The following TRIM34 variants were observed in gnomAD, a reference collection of about 807,000 sequenced individuals.
TRIM34 encodes the protein tripartite motif containing 34, also known as E3 ubiquitin-protein ligase TRIM34.
Under a neutral mutation model 38.1 loss-of-function variants are expected in TRIM34, and 41 were observed. The observed-to-expected ratio is 1.08, with a 90% CI of 0.84 to 1.40. The LOEUF (loss-of-function observed/expected upper bound fraction) is 1.40, where lower values mean the gene tolerates loss of function less well. TRIM34 is among the 40% of genes most tolerant of loss of function. The pLI, the probability that TRIM34 is intolerant of heterozygous loss-of-function variation, is 0.00. For missense variants in TRIM34, 556 were observed against 571.4 expected (o/e 0.97, Z 0.27); for synonymous variants, 200 against 202.5 (o/e 0.99, Z 0.10).
chr11:5,642,854 G>C lies in TRIM34; in HGVS notation c.901+11G>C, dbSNP rs1355357364. The C allele has an allele frequency of 1.9e-6, 3 of 1,613,760 alleles. No homozygotes were observed. The highest frequency in any genetic ancestry group is 1.1e-5 in the South Asian group (1 of 91,054). ...TCCGGTGCTACTGGGGTAAGAAAAAGTTAGTCTTTAAATAACTGTTTTCCA... is the reference window on the plus strand; with the variant it reads ...TCCGGTGCTACTGGGGTAAGAAAAACTTAGTCTTTAAATAACTGTTTTCCA... On this transcript the variant is annotated intron_variant, in intron 7 of 7. Transcript: ENST00000429814.
intron 1 of TRIM34, among the ~76,000 whole-genome samples, chr11:5,628,547 T>G (rs1254177959): frequency 6.6e-6 from 1 of 152,172 alleles, no homozygotes; most frequent in African/African-American, 2.4e-5. Context: ...GATGGATGGT[T>G]AGAGGAGTAG....
intron 1 of TRIM34, among the ~76,000 whole-genome samples, chr11:5,626,012 G>C (rs1849205736): frequency 6.6e-6 from 1 of 152,218 alleles, no homozygotes; most frequent in South Asian, 2.1e-4. Context: ...TTTGCACCTT[G>C]ATTGATATGT....
At chr11:5,635,278 C>T (rs1020461547) in intron 4 of TRIM34, among the ~76,000 whole-genome samples, 3 of 133,360 alleles carry the variant, frequency 2.2e-5, no homozygotes, top group Non-Finnish European at 4.6e-5. Flanking sequence ...TTTTTTGAGA[C>T]GGAGTCTCGC....
At chr11:5,640,577 G>C (rs185596904) in intron 4 of TRIM34, among the ~76,000 whole-genome samples, 1 of 152,028 alleles carries the variant, frequency 6.6e-6, no homozygotes, top group Non-Finnish European at 1.5e-5. Context: ...ATATTTATAA[G>C]AGATATTGGT....
chr11:5,633,756 T>A (rs374292124), intron 2 of TRIM34, 48 bp from the exon 3 acceptor site: 1 of 1,571,336 alleles, frequency 6.4e-7, no homozygotes, highest in South Asian at 1.2e-5. Context: ...TCTATCCAGA[T>A]ACTAAGAAAG....
intron 6 of TRIM34, 21 bp from the exon 7 acceptor site, chr11:5,642,796 C>A (rs983890325): frequency 6.2e-6 from 10 of 1,613,756 alleles, no homozygotes; most frequent in Non-Finnish European, 7.6e-6. Context: ...ATCAGCATCA[C>A]TGAATCTTTT....
chr11:5,640,918 C>T (rs537292404), intron 4 of TRIM34, among the ~76,000 whole-genome samples: 1 of 124,848 alleles, frequency 8.0e-6, no homozygotes, highest in South Asian at 2.9e-4. Context: ...TTAAGATTAT[C>T]TAATTTGTTG....
chr11:5,630,406 C>T (rs182682482), intron 1 of TRIM34, among the ~76,000 whole-genome samples: 11 of 152,250 alleles, frequency 7.2e-5, no homozygotes, highest in African/African-American at 1.4e-4. Context: ...CCATCCCTGC[C>T]CCCACCTCCT....
At chr11:5,630,598 T>G (rs1849445221) in intron 1 of TRIM34, among the ~76,000 whole-genome samples, 1 of 152,254 alleles carries the variant, frequency 6.6e-6, no homozygotes, top group South Asian at 2.1e-4. Flanking sequence ...CCATGATTCC[T>G]TCTGCCTAAA....
intron 4 of TRIM34, among the ~76,000 whole-genome samples, chr11:5,639,550 C>T (rs1039057708): frequency 3.3e-5 from 5 of 151,756 alleles, no homozygotes; most frequent in African/African-American, 4.8e-5. Context: ...CATGGTGGCA[C>T]GTACCTGTAG....
At chr11:5,638,455 A>G (rs1279759305) in intron 4 of TRIM34, among the ~76,000 whole-genome samples, 1 of 152,136 alleles carries the variant, frequency 6.6e-6, no homozygotes, top group Non-Finnish European at 1.5e-5. Context: ...TAATACAGAG[A>G]GCAAAACCAT....
At chr11:5,640,593 G>C (rs1849964664) in intron 4 of TRIM34, among the ~76,000 whole-genome samples, 1 of 152,014 alleles carries the variant, frequency 6.6e-6, no homozygotes, top group Non-Finnish European at 1.5e-5. Context: ...TTGGTCTATG[G>C]TTTTCTTTTC....
chr11:5,630,765 C>T (rs1849451576), intron 1 of TRIM34, among the ~76,000 whole-genome samples: 1 of 152,126 alleles, frequency 6.6e-6, no homozygotes, highest in African/African-American at 2.4e-5. Context: ...TTTTTTACAC[C>T]TACCATTTTA....
chr11:5,631,228 C>T (rs191477657), intron 1 of TRIM34, among the ~76,000 whole-genome samples: 8 of 152,252 alleles, frequency 5.3e-5, no homozygotes, highest in East Asian at 1.9e-4. Flanking sequence ...AACACAAGAC[C>T]CCCCCAGAAA....
In TRIM34 at chr11:5,644,381, T is replaced by C. The variant is rs1278407710; in HGVS notation, c.*672T>C. 5.0e-6 allele frequency: 2 copies of C among 396,904 alleles called. No homozygotes were observed. The highest frequency in any genetic ancestry group is 8.9e-6 in the Non-Finnish European group (2 of 225,372). 24.6% of individuals were successfully genotyped at this position (396,904 alleles called of 1,614,324 possible). On this transcript the variant is annotated 3_prime_UTR_variant, in exon 8 of 8. Coordinates refer to ENST00000429814, the MANE Select transcript of TRIM34 (RefSeq NM_021616.6). ...TGTCTGGAACATAATAAATATTTGC[T>C]CTCATGATTGCTAAAAAGTGTGAGC...
chr11:5,642,211 C>A (rs1850041479), intron 5 of TRIM34, among the ~76,000 whole-genome samples, 195 bp from the exon 6 acceptor site: 1 of 152,084 alleles, frequency 6.6e-6, no homozygotes, highest in African/African-American at 2.4e-5. Flanking sequence ...CAAGGTCACC[C>A]AGAGGATAAG....
chr11:5,629,547 C>A (rs865895978), intron 1 of TRIM34, among the ~76,000 whole-genome samples: 10 of 152,148 alleles, frequency 6.6e-5, no homozygotes, highest in African/African-American at 2.4e-4. Flanking sequence ...TATCATCATG[C>A]CACTACTCTG....
intron 1 of TRIM34, among the ~76,000 whole-genome samples, chr11:5,628,483 C>G (rs912779445): frequency 6.6e-6 from 1 of 152,186 alleles, no homozygotes; most frequent in African/African-American, 2.4e-5. Context: ...GTACCATTGG[C>G]TGGATGACAC....
intron 1 of TRIM34, among the ~76,000 whole-genome samples, chr11:5,631,906 A>G (rs1204587397): frequency 6.6e-6 from 1 of 152,212 alleles, no homozygotes; most frequent in African/African-American, 2.4e-5. Flanking sequence ...AATGATAATA[A>G]AAGAAAGATG....
Sources: gnomAD v4.1 joint callset for allele counts (sites outside exome capture counted in the v4.1 genomes callset) on GRCh38, gnomAD v4.1.1 for gene constraint, MANE v1.5 for transcripts, NCBI Gene and HGNC (gene_info 2026-07-23, HGNC 2026-07-21) for gene names.